Variants in PAK3 observed in about 807,000 individuals in gnomAD.
PAK3 encodes the protein serine/threonine-protein kinase PAK 3.
PAK3 carries 4 observed loss-of-function variants against 41.0 expected under a neutral mutation model. That is an observed-to-expected ratio of 0.10 (90% confidence interval 0.05 to 0.22). PAK3 has a LOEUF of 0.22. Among genes scored for constraint, PAK3 ranks in the 10% least tolerant of loss-of-function variants. PAK3 has a pLI of 1.00. For synonymous variants in PAK3, 146 were observed against 139.6 expected, an observed-to-expected ratio of 1.05 and a Z score of -0.32; for missense variants, 205 against 409.9, an observed-to-expected ratio of 0.50 and a Z score of 4.32.
intron 1 of PAK3, among the ~76,000 whole-genome samples, chrX:110,959,475 G>T (rs886714604): frequency 9.0e-6 from 1 of 111,664 alleles, no homozygotes; most frequent in African/African-American, 3.3e-5. Flanking sequence ...AAACTCCTCT[G>T]GTCCTTCACC....
chrX:111,155,163 G>A (rs1441558479), intron 8 of PAK3, among the ~76,000 whole-genome samples: 1 of 111,157 alleles, frequency 9.0e-6, no homozygotes, highest in East Asian at 2.8e-4. Context: ...TTGGATATCA[G>A]GCTGGTAGGG....
intron 7 of PAK3, among the ~76,000 whole-genome samples, chrX:111,148,556 G>A (rs757298276): frequency 1.8e-5 from 2 of 111,302 alleles, no homozygotes; most frequent in African/African-American, 3.3e-5. Flanking sequence ...TTGGACTTAC[G>A]GTTCCACATG....
At position 110,989,697 on chromosome X, in the gene PAK3, T is replaced by A. The variant is rs180876192; in HGVS notation, c.-28+45069T>A. ...AGTACAGACTCAGAAAGATTAGGTA[T>A]CTTCTGCATTATCACACAGCTGGCT... On this transcript the variant is annotated intron_variant, in intron 1 of 14. Coordinates refer to the PAK3 transcript ENST00000425146. 4.5e-5 allele frequency among the ~76,000 whole-genome samples: 5 copies of A among 111,802 alleles called. No individual in the cohort carries two copies. The East Asian group carries it at 1.4e-3, about 32-fold the overall frequency.
At chrX:111,065,298 T>A (rs975246471) in intron 1 of PAK3, among the ~76,000 whole-genome samples, 2 of 95,422 alleles carry the variant, frequency 2.1e-5, no homozygotes, top group Non-Finnish European at 4.2e-5. Context: ...GCTTTTTCTG[T>A]GTCTATTAAG....
intron 11 of PAK3, among the ~76,000 whole-genome samples, chrX:111,187,225 G>C (rs1207762009): frequency 4.5e-5 from 5 of 111,891 alleles, no homozygotes; most frequent in Admixed American, 1.9e-4. Context: ...TGAATTAGCT[G>C]TTCTCAGGTA....
chrX:111,223,427 G>A lies in PAK3; in HGVS notation c.*2980G>A, dbSNP rs575110891. Reference sequence around the variant, plus strand: ...AGTCACCATGTTGGGTAATGACTTCGTTCTTGCTGATCTCGTGTGTGTGTC... The same window carrying A: ...AGTCACCATGTTGGGTAATGACTTCATTCTTGCTGATCTCGTGTGTGTGTC... On this transcript the variant is annotated 3_prime_UTR_variant, in exon 18 of 18. Transcript: ENST00000372007. The A allele has an allele frequency of 3.7e-5, 4 of 107,740 alleles. No individual in the cohort carries two copies. Among genetic ancestry groups the A allele is most frequent in the African/African-American group, 1.4e-4 (4 of 29,612 alleles). 8.9% of individuals were successfully genotyped at this position (107,740 alleles called of 1,213,427 possible).
rs185407849 is a variant in PAK3 at position 110,972,530 on chromosome X, G to T, written c.-28+27902G>T. Among the ~76,000 whole-genome samples, 566 of 111,856 alleles carry T rather than the reference G, an allele frequency of 5.1e-3. 1 individual carries two copies. Among genetic ancestry groups the T allele is most frequent in the Middle Eastern group, 0.023 (5 of 216 alleles). On this transcript the variant is annotated intron_variant, in intron 1 of 14. Transcript: ENST00000425146. Reference sequence around the variant, plus strand: ...GAATAGCATCAACATCAACAAAAAGGTCATCTACACCAAAACCCCATCTGT... The same window carrying T: ...GAATAGCATCAACATCAACAAAAAGTTCATCTACACCAAAACCCCATCTGT...
chrX:111,071,115 T>G (rs2092740738), intron 1 of PAK3, among the ~76,000 whole-genome samples: 1 of 112,295 alleles, frequency 8.9e-6, no homozygotes, highest in Non-Finnish European at 1.9e-5. Flanking sequence ...ACAGTGCACA[T>G]GTAATTATCA....
upstream of PAK3, among the ~76,000 whole-genome samples, chrX:111,092,839 T>C (rs2092940558): frequency 8.9e-6 from 1 of 112,013 alleles, no homozygotes; most frequent in African/African-American, 3.2e-5. Flanking sequence ...TTTCTTGACA[T>C]GTTTTTATGA....
At chrX:111,219,966 G>C (rs2094913827) in intron 17 of PAK3, among the ~76,000 whole-genome samples, 2 of 111,838 alleles carry the variant, frequency 1.8e-5, no homozygotes, top group African/African-American at 6.5e-5. Context: ...AAATGGTAGA[G>C]GCACAGCCGT....
intron 1 of PAK3, among the ~76,000 whole-genome samples, chrX:111,059,993 A>T (rs2092642076): frequency 9.0e-6 from 1 of 111,656 alleles, no homozygotes; most frequent in Admixed American, 9.5e-5. Flanking sequence ...GAGAGTAGAC[A>T]TTCATGTTTT....
Position 111,025,180 on chromosome X carries a change from A to G in PAK3, c.-28+80552A>G, listed in dbSNP as rs938697534. On this transcript the variant is annotated intron_variant, in intron 1 of 14. Transcript: ENST00000425146. Reference sequence around the variant, plus strand: ...CTAAGAAGAAAGTTAGTAGCATTAAATGCCTACATCAAAAAGTCTGAAAGA... The same window carrying G: ...CTAAGAAGAAAGTTAGTAGCATTAAGTGCCTACATCAAAAAGTCTGAAAGA... Among the ~76,000 whole-genome samples the G allele has an allele frequency of 1.2e-4, 13 of 111,318 alleles. No individual in the cohort carries two copies. The Admixed American group carries it at 1.3e-3, about 11-fold the overall frequency.
intron 1 of PAK3, among the ~76,000 whole-genome samples, chrX:111,081,173 G>A (rs757458227): frequency 9.0e-6 from 1 of 111,719 alleles, no homozygotes; most frequent in Non-Finnish European, 1.9e-5. Flanking sequence ...CATGGTGACT[G>A]TAGTTAATAA....
chrX:111,139,059 G>A (rs1182228027), intron 5 of PAK3, among the ~76,000 whole-genome samples: 1 of 111,402 alleles, frequency 9.0e-6, no homozygotes, highest in Non-Finnish European at 1.9e-5. Context: ...AATGGAAGTG[G>A]ATAAAATTGG....
At chrX:111,177,622 C>A (rs1190532047) in intron 11 of PAK3, among the ~76,000 whole-genome samples, 1 of 111,762 alleles carries the variant, frequency 8.9e-6, no homozygotes, top group African/African-American at 3.2e-5. Flanking sequence ...GAAATATATC[C>A]GGTGCGCACT....
At chrX:111,013,342 T>G in intron 1 of PAK3, among the ~76,000 whole-genome samples, 1 of 111,594 alleles carries the variant, frequency 9.0e-6, no homozygotes, top group Admixed American at 9.5e-5. Flanking sequence ...AGCCTTAAAT[T>G]AGGGATTCCC....
At chrX:110,960,705 A>G (rs1287118963) in intron 1 of PAK3, among the ~76,000 whole-genome samples, 2 of 111,488 alleles carry the variant, frequency 1.8e-5, no homozygotes, top group Non-Finnish European at 3.8e-5. Flanking sequence ...GATATCAGTT[A>G]TCTCCACTCA....
intron 1 of PAK3, among the ~76,000 whole-genome samples, chrX:111,071,430 G>T (rs1173860398): frequency 3.6e-5 from 4 of 111,859 alleles, no homozygotes; most frequent in Non-Finnish European, 7.5e-5. Context: ...TCATGGGTTT[G>T]TTGAGAGAAT....
At chrX:110,988,199 C>T (rs2091581702) in intron 1 of PAK3, among the ~76,000 whole-genome samples, 2 of 112,201 alleles carry the variant, frequency 1.8e-5, no homozygotes, top group South Asian at 7.5e-4. Context: ...AGAACAAGAA[C>T]ATGTGTTTAA....
Sources: allele counts gnomAD v4.1 joint callset (sites outside exome capture counted in the v4.1 genomes callset), GRCh38; gene constraint gnomAD v4.1.1; transcripts MANE v1.5; gene names NCBI Gene and HGNC (gene_info 2026-07-23, HGNC 2026-07-21).